ATG13: variants seen among roughly 807,000 people sequenced by gnomAD.
The protein encoded by ATG13 is autophagy related 13.
A neutral mutation model predicts 65.5 loss-of-function variants in ATG13; 23 were observed. The observed-to-expected ratio is 0.35, with a 90% confidence interval of 0.25 to 0.50. The LOEUF is 0.50. Among genes scored for constraint, ATG13 ranks in the 20% least tolerant of loss-of-function variants. ATG13 has a pLI of 0.98. For synonymous variants in ATG13, 252 were observed against 245.2 expected (o/e 1.03, Z -0.26); for missense variants, 566 against 677.0 (o/e 0.84, Z 1.82).
intron 11 of ATG13, among the ~76,000 whole-genome samples, chr11:46,661,613 C>T (rs933052960): frequency 6.6e-5 from 10 of 151,936 alleles, no homozygotes; most frequent in African/African-American, 2.4e-4. Context: ...GGGAGGATCG[C>T]CTGAGCCCAA....
intron 5 of ATG13, among the ~76,000 whole-genome samples, chr11:46,646,934 AT>A (rs2057710363): frequency 6.6e-6 from 1 of 151,282 alleles, no homozygotes; most frequent in Admixed American, 6.6e-5. Flanking sequence ...TAGTTTTTGT[AT>A]TTTTTGTAGA....
At chr11:46,649,296 A>T in intron 6 of ATG13, 113 bp downstream of exon 6, 2 of 1,225,174 alleles carry the variant, frequency 1.6e-6, no homozygotes, top group East Asian at 2.4e-5. Flanking sequence ...CTGACCACTT[A>T]ACAAAGCCAA....
At chr11:46,655,507 G>A (rs2059865125) in intron 7 of ATG13, among the ~76,000 whole-genome samples, 1 of 152,170 alleles carries the variant, frequency 6.6e-6, no homozygotes. Context: ...CAGGAGGCTG[G>A]AGGTTGCAGT....
rs2064195760 is a variant in ATG13 at position 46,673,566 on chromosome 11, C to CT, written c.*1238dup. ...TGATCCCTGGGGCTGTCCTGTGGAG[C>CT]TTTTCCTCCTGCTTGGGCCTAGCTA... On this transcript the variant is annotated 3_prime_UTR_variant, in exon 19 of 19. Transcript: ENST00000683050. The CT allele has an allele frequency of 6.6e-6, 1 of 152,368 alleles. No homozygotes were observed. The highest frequency in any genetic ancestry group is 2.1e-4 in the South Asian group (1 of 4,834). The allele number at this position is 152,368 out of a possible 1,614,324, so 9.4% of individuals were successfully genotyped here. A position where few individuals can be genotyped will look rare whatever the true frequency, so the allele number is the denominator to read the frequency against.
chr11:46,657,347 A>C, intron 9 of ATG13, 156 bp downstream of exon 9: 1 of 907,562 alleles, frequency 1.1e-6, no homozygotes, highest in East Asian at 2.6e-5. Context: ...GGAGAATTTG[A>C]GTGTCCCAGA....
chr11:46,630,888 T>G (rs1300562047), intron 2 of ATG13: 1 of 152,144 alleles, frequency 6.6e-6, no homozygotes, highest in East Asian at 1.9e-4. Flanking sequence ...TAATTTTTAT[T>G]TTTTGTAGAG....
At chr11:46,663,441 C>G (rs761477355) in intron 11 of ATG13, among the ~76,000 whole-genome samples, 10 of 152,096 alleles carry the variant, frequency 6.6e-5, no homozygotes, top group Non-Finnish European at 1.3e-4. Flanking sequence ...ACACACACCC[C>G]TGCACACCCA....
chr11:46,647,665 A>T (rs1373418174), intron 5 of ATG13, among the ~76,000 whole-genome samples: 1 of 149,904 alleles, frequency 6.7e-6, no homozygotes, highest in Non-Finnish European at 1.5e-5. Context: ...TCAAATTCCT[A>T]GGTTCAGGGG....
At chr11:46,644,131 T>C (rs1165294315) in intron 2 of ATG13, 148 bp from the exon 3 acceptor site, 3 of 511,928 alleles carry the variant, frequency 5.9e-6, no homozygotes, top group Non-Finnish European at 1.0e-5. Flanking sequence ...TATTTTTCAC[T>C]TTGGTATCTT....
Position 46,668,801 on chromosome 11 carries a change from C to T in ATG13, c.1337C>T (p.Pro446Leu), listed in dbSNP as rs1259579138. The change falls in exon 17 of 19, where the codon CCT becomes CTT. Residue 446 changes from proline to leucine, a missense_variant. Pro to Leu is a moderately conservative substitution (Grantham distance 98). Coordinates refer to ENST00000683050, the MANE Select transcript of ATG13 (RefSeq NM_001346311.2). The part of the protein sequence containing the change: ...ELEDTDPMVN[P>L]PDSPETESPL... The stretch of plus-strand genomic sequence containing the variant: ...TGCCTTGCTATGAAACAGGTGAATC[C>T]TCCAGATTCCCCAGAGACTGAATCT... 1.2e-6 allele frequency: 2 copies of T among 1,611,860 alleles called. No individual in the cohort carries two copies. The highest frequency in any genetic ancestry group is 2.2e-5 in the South Asian group (2 of 91,042).
intron 15 of ATG13, 32 bp from the exon 16 acceptor site, chr11:46,668,466 AG>A (rs1323488069): frequency 6.3e-7 from 1 of 1,597,080 alleles, no homozygotes; most frequent in Non-Finnish European, 8.6e-7. Context: ...CAGGAGGGGC[AG>A]GCATGAATGC....
intron 2 of ATG13, among the ~76,000 whole-genome samples, chr11:46,633,038 T>G (rs1400394199): frequency 7.1e-6 from 1 of 141,268 alleles, no homozygotes; most frequent in Non-Finnish European, 1.5e-5. Flanking sequence ...TTTTTTTTTT[T>G]TTTGGCAACG....
At position 46,650,469 on chromosome 11, in the gene ATG13, C is replaced by G. The variant is rs541476833; in HGVS notation, c.458+152C>G. 58 of 1,100,962 alleles carry G rather than the reference C, an allele frequency of 5.3e-5. 1 individual carries two copies. The South Asian group carries it at 6.8e-4, about 13-fold the overall frequency. The allele number at this position is 1,100,962 out of a possible 1,614,324, so 68.2% of individuals were successfully genotyped here. A position where few individuals can be genotyped will look rare whatever the true frequency, so the allele number is the denominator to read the frequency against. ...CGCTTTCATGTGATCACTATCCAGC[C>G]TGCCTTATGAACCTCACCCTTCCAA... is the stretch of plus-strand genomic sequence containing the variant. On this transcript the variant is annotated intron_variant, in intron 7 of 18. Transcript: ENST00000683050.
At chr11:46,668,600 T>G (rs753008268) in intron 16 of ATG13, 24 bp downstream of exon 16, 1 of 1,605,662 alleles carries the variant, frequency 6.2e-7, no homozygotes. Flanking sequence ...TGACTACGAG[T>G]TCCCAGTAGA....
chr11:46,659,640 A>G, intron 11 of ATG13, 155 bp downstream of exon 11: 1 of 578,140 alleles, frequency 1.7e-6, no homozygotes, highest in Non-Finnish European at 3.1e-6. Context: ...CTTCTTGTCC[A>G]GAAGATAGTA....
intron 1 of ATG13, among the ~76,000 whole-genome samples, chr11:46,622,101 A>ATG: frequency 1.5e-5 from 1 of 67,638 alleles, no homozygotes; most frequent in South Asian, 4.0e-4. Context: ...ATATATATAT[A>ATG]TATATATATA....
chr11:46,630,696 C>T (rs751979200), intron 2 of ATG13, among the ~76,000 whole-genome samples: 1 of 151,724 alleles, frequency 6.6e-6, no homozygotes, highest in Non-Finnish European at 1.5e-5. Context: ...CTCAGCCTCC[C>T]AGTAGCTGGC....
At chr11:46,618,070 C>T (rs2135461276) in intron 1 of ATG13, among the ~76,000 whole-genome samples, 180 bp downstream of exon 1, 1 of 152,272 alleles carries the variant, frequency 6.6e-6, no homozygotes, top group African/African-American at 2.4e-5. Flanking sequence ...TTGGCCCCTG[C>T]TTGTTTGGCA....
At chr11:46,641,141 C>T (rs1323474256) in intron 2 of ATG13, among the ~76,000 whole-genome samples, 7 of 152,018 alleles carry the variant, frequency 4.6e-5, no homozygotes, top group African/African-American at 7.3e-5. Flanking sequence ...GGTGCGATCT[C>T]GGCTCACTGC....
Sources: allele counts gnomAD v4.1 joint callset (sites outside exome capture counted in the v4.1 genomes callset), GRCh38; gene constraint gnomAD v4.1.1; transcripts MANE v1.5; gene names NCBI Gene and HGNC (gene_info 2026-07-23, HGNC 2026-07-21).